Variants in MYO16 observed in about 807,000 individuals in gnomAD.
MYO16 encodes the protein unconventional myosin-XVI.
A neutral mutation model predicts 205.3 loss-of-function variants in MYO16; 94 were observed. The ratio of observed to expected loss-of-function variants is 0.46; its 90% confidence interval spans 0.39 to 0.54. The LOEUF (loss-of-function observed/expected upper bound fraction) is 0.54. Ranked by LOEUF, MYO16 falls within the 20% of genes least tolerant of loss-of-function variation. MYO16 has a pLI of 0.00. For missense variants in MYO16, 2,315 were observed against 2,387.5 expected, an observed-to-expected ratio of 0.97 and a Z score of 0.63; for synonymous variants, 988 against 954.0, an observed-to-expected ratio of 1.04 and a Z score of -0.66.
chr13:108,889,766 T>C (rs577574692), intron 14 of MYO16, among the ~76,000 whole-genome samples: 102 of 152,296 alleles, frequency 6.7e-4, no homozygotes, highest in African/African-American at 2.4e-3. Context: ...CATGACTCAG[T>C]GCCATGGGTA....
chr13:109,042,539 A>G (rs1886915902), intron 23 of MYO16, among the ~76,000 whole-genome samples: 2 of 152,248 alleles, frequency 1.3e-5, no homozygotes, highest in African/African-American at 4.8e-5. Context: ...ACTGTTTGCA[A>G]CCATGTGTTA....
chr13:109,050,561 C>G (rs1171296909), intron 24 of MYO16, among the ~76,000 whole-genome samples: 1 of 152,138 alleles, frequency 6.6e-6, no homozygotes, highest in Non-Finnish European at 1.5e-5. Flanking sequence ...TATTCTGTTC[C>G]TCATCAAACT....
rs77820015 is a variant in MYO16, at chr13:109,166,993, G to C, written c.5323+1934G>C. On this transcript the variant is annotated intron_variant, in intron 33 of 34. Coordinates refer to ENST00000457511, the MANE Select transcript of MYO16 (RefSeq NM_001198950.3). ...CAGTCATCTTGAGACTTGAGTGAAGGCTGATCCATTTTCAAGGTCACTCAC... is the reference window on the plus strand; with the variant it reads ...CAGTCATCTTGAGACTTGAGTGAAGCCTGATCCATTTTCAAGGTCACTCAC... The C allele has an allele frequency of 7.2e-3, 1,095 of 152,280 alleles. 5 individuals are homozygous for C. The highest frequency in any genetic ancestry group is 0.012 in the Non-Finnish European group (845 of 68,052). The allele number at this position is 152,280 out of a possible 1,614,324, so 9.4% of individuals were successfully genotyped here.
intron 1 of MYO16, among the ~76,000 whole-genome samples, chr13:108,624,008 T>G (rs1158650326): frequency 1.3e-5 from 2 of 152,114 alleles, no homozygotes; most frequent in African/African-American, 4.8e-5. Context: ...TGCATGGAAT[T>G]TGAATAGGTA....
At chr13:108,868,512 A>G (rs1051880354) in intron 12 of MYO16, among the ~76,000 whole-genome samples, 3 of 152,222 alleles carry the variant, frequency 2.0e-5, no homozygotes, top group African/African-American at 7.2e-5. Context: ...ATTGACTTGA[A>G]AGATCTTTAA....
chr13:108,731,292 T>C (rs1359731114), intron 4 of MYO16, among the ~76,000 whole-genome samples: 2 of 152,226 alleles, frequency 1.3e-5, no homozygotes, highest in Non-Finnish European at 2.9e-5. Context: ...TCTCTCAAGC[T>C]ACATATATGA....
intron 27 of MYO16, among the ~76,000 whole-genome samples, chr13:109,057,863 T>C (rs775674382): frequency 1.2e-4 from 18 of 152,104 alleles, no homozygotes; most frequent in Non-Finnish European, 2.1e-4. Context: ...TGAAATAGAA[T>C]GGAGAGTGTC....
chr13:108,704,780 A>C (rs993323466), intron 2 of MYO16, among the ~76,000 whole-genome samples: 3 of 152,130 alleles, frequency 2.0e-5, no homozygotes, highest in Non-Finnish European at 4.4e-5. Context: ...AAAATGAAAA[A>C]AAGTAGTGAA....
At position 109,164,501 on chromosome 13, in the gene MYO16, T is replaced by C. The variant is rs145219916; in HGVS notation, c.5165-400T>C. 7.0e-3 allele frequency among the ~76,000 whole-genome samples: 1,067 copies of C among 152,348 alleles called. 12 individuals carry two copies. Among genetic ancestry groups the C allele is most frequent in the African/African-American group, 0.024 (1,013 of 41,574 alleles). ...TTGAAAATATCACTATAGTGTTTCT[T>C]ATCACTCAAGTGTTTCTTATTTTTT... On this transcript the variant is annotated intron_variant, in intron 32 of 34. Coordinates refer to ENST00000457511, the MANE Select transcript of MYO16 (RefSeq NM_001198950.3).
intron 31 of MYO16, among the ~76,000 whole-genome samples, chr13:109,130,496 T>C (rs1035335128): frequency 6.6e-6 from 1 of 152,250 alleles, no homozygotes; most frequent in Middle Eastern, 3.2e-3. Flanking sequence ...TACTGTATAT[T>C]TTTAAGAATA....
chr13:109,029,112 C>CTTTTTTTTTTT (rs200871485), intron 23 of MYO16, among the ~76,000 whole-genome samples: 2 of 98,408 alleles, frequency 2.0e-5, no homozygotes, highest in African/African-American at 8.0e-5. Context: ...TTTTTCTTTT[C>CTTTTTTTTTTT]TTTTTTTTTT....
intron 25 of MYO16, chr13:109,054,287 C>A: frequency 2.5e-6 from 1 of 397,242 alleles, no homozygotes; most frequent in South Asian, 1.9e-5. Context: ...AAAATAGAGT[C>A]TACTACCATT....
intron 4 of MYO16, among the ~76,000 whole-genome samples, chr13:108,757,891 C>G (rs535433498): frequency 2.0e-5 from 3 of 152,140 alleles, no homozygotes; most frequent in African/African-American, 7.2e-5. Flanking sequence ...GATATGTATG[C>G]GACACAATGC....
intron 1 of MYO16, among the ~76,000 whole-genome samples, chr13:108,664,302 A>T (rs1022487960): frequency 6.6e-6 from 1 of 152,168 alleles, no homozygotes; most frequent in East Asian, 1.9e-4. Context: ...TATATTCAAT[A>T]CCTGGCATTA....
At chr13:109,122,858 T>G (rs764971205) in intron 29 of MYO16, among the ~76,000 whole-genome samples, 21 of 152,192 alleles carry the variant, frequency 1.4e-4, no homozygotes, top group Non-Finnish European at 2.6e-4. Context: ...CCCTCAATGC[T>G]TTTTGCTAAT....
the MYO16 span, among the ~76,000 whole-genome samples, chr13:108,526,522 G>T: frequency 1.4e-4 from 21 of 152,078 alleles, no homozygotes; most frequent in Non-Finnish European, 2.6e-4. Flanking sequence ...GTTTAAGCGC[G>T]TTGAAATAGA....
chr13:108,869,682 G>A (rs1200580012), intron 12 of MYO16, among the ~76,000 whole-genome samples: 1 of 132,522 alleles, frequency 7.5e-6, no homozygotes, highest in Non-Finnish European at 1.6e-5. Flanking sequence ...AGTGAGCCGA[G>A]ATCGTGCCAC....
At chr13:108,733,779 C>A (rs1442219699) in intron 4 of MYO16, among the ~76,000 whole-genome samples, 1 of 152,134 alleles carries the variant, frequency 6.6e-6, no homozygotes, top group Non-Finnish European at 1.5e-5. Context: ...ACCATCCTGG[C>A]TAACATGGTG....
In MYO16 at chr13:108,596,236, TGTGGTAA is replaced by T. The variant is rs906588126; in HGVS notation, c.-39+2_-39+8del. The T allele has an allele frequency of 4.6e-5, 7 of 152,084 alleles. No individual in the cohort carries two copies. Among genetic ancestry groups the T allele is most frequent in the African/African-American group, 1.7e-4 (7 of 41,414 alleles). 9.4% of individuals were successfully genotyped at this position (152,084 alleles called of 1,614,324 possible). A position where few individuals can be genotyped will look rare whatever the true frequency, so the allele number is the denominator to read the frequency against. Reference sequence around the variant, plus strand: ...TCTGGTTGGAGCCTCTCATCCACATTGTGGTAAGTGGGTCAGCTCTGGTTCACTCTTC... The same window carrying T: ...TCTGGTTGGAGCCTCTCATCCACATTGTGGGTCAGCTCTGGTTCACTCTTC... On this transcript the variant is annotated splice_donor_variant and splice_donor_region_variant and 5_prime_UTR_variant and intron_variant, in exon 1 of 25. Coordinates refer to the MYO16 transcript ENST00000251041. LOFTEE classifies it low-confidence loss of function (5UTR_SPLICE).
Sources: gnomAD v4.1 joint callset for allele counts (sites outside exome capture counted in the v4.1 genomes callset) on GRCh38, gnomAD v4.1.1 for gene constraint, MANE v1.5 for transcripts, NCBI Gene and HGNC (gene_info 2026-07-23, HGNC 2026-07-21) for gene names.